Variants in SKA3 observed in about 807,000 individuals in gnomAD.
SKA3 encodes the protein spindle and kinetochore associated complex subunit 3, also known as spindle and kinetochore-associated protein 3.
SKA3 carries 39 observed loss-of-function variants against 44.2 expected under a neutral mutation model. The ratio of observed to expected loss-of-function variants is 0.88; its 90% CI spans 0.68 to 1.15. The LOEUF (loss-of-function observed/expected upper bound fraction) is 1.15. Among genes scored for constraint, SKA3 ranks in the 50% most tolerant of loss-of-function variants. SKA3 has a pLI of 0.00. For synonymous variants in SKA3, 192 were observed against 172.0 expected (o/e 1.12, Z -0.91); for missense variants, 511 against 485.8 (o/e 1.05, Z -0.49).
At chr13:21,167,480 T>C (rs983497473) in intron 4 of SKA3, among the ~76,000 whole-genome samples, 1 of 152,040 alleles carries the variant, frequency 6.6e-6, no homozygotes, top group African/African-American at 2.4e-5. Context: ...ACTAAAGAAC[T>C]TATTGGCCGG....
At chr13:21,172,266 T>G in intron 3 of SKA3, 73 bp downstream of exon 3, 1 of 1,004,044 alleles carries the variant, frequency 1.0e-6, no homozygotes, top group African/African-American at 1.7e-5. Context: ...TAGCCAAGGC[T>G]ACAGTTGTCT....
chr13:21,173,615 T>C (rs1595307642), intron 1 of SKA3, among the ~76,000 whole-genome samples: 1 of 27,442 alleles, frequency 3.6e-5, no homozygotes, highest in African/African-American at 5.7e-5. Context: ...CTTGATTTAA[T>C]GGACTCAAAC....
At position 21,176,492 on chromosome 13, in the gene SKA3, G is replaced by A; in HGVS notation, c.-15C>T. On this transcript the variant is annotated 5_prime_UTR_variant, in exon 1 of 9. Coordinates refer to ENST00000314759, the MANE Select transcript of SKA3 (RefSeq NM_145061.6). Reference sequence around the variant, plus strand: ...ATAGGGTCCATGCTGAGCACAGCGGGGAAGGACTCCAGGCGTACGCAGACC... The same window carrying A: ...ATAGGGTCCATGCTGAGCACAGCGGAGAAGGACTCCAGGCGTACGCAGACC... 1 of 1,505,872 alleles carries A rather than the reference G, an allele frequency of 6.6e-7. No homozygotes were observed. Among genetic ancestry groups the A allele is most frequent in the Non-Finnish European group, 8.9e-7 (1 of 1,122,520 alleles). The allele number at this position is 1,505,872 out of a possible 1,614,324, so 93.3% of individuals were successfully genotyped here.
intron 1 of SKA3, among the ~76,000 whole-genome samples, chr13:21,173,680 G>A (rs909854666): frequency 9.2e-5 from 14 of 152,096 alleles, no homozygotes; most frequent in Admixed American, 5.2e-4. Flanking sequence ...ATTCTTCCAC[G>A]TTCGTAATCT....
intron 1 of SKA3, among the ~76,000 whole-genome samples, chr13:21,175,174 C>T (rs1871392182): frequency 6.6e-6 from 1 of 151,416 alleles, no homozygotes; most frequent in Non-Finnish European, 1.5e-5. Flanking sequence ...GACGAGGTTT[C>T]ACCACGTTGG....
Position 21,155,710 on chromosome 13 carries a change from G to T in SKA3, c.1221C>A (p.Val407=). The T allele has an allele frequency of 6.2e-7, 1 of 1,600,438 alleles. No individual in the cohort carries two copies. The highest frequency in any genetic ancestry group is 1.1e-5 in the South Asian group (1 of 90,828). The change falls in exon 8 of 9, where the codon GTC becomes GTA. Residue 407 remains valine (V), a synonymous_variant. Transcript: ENST00000314759. ...ATACTCACCAGTTTTCTTTGTTGCT[G>T]ACATCTCGGATGTTCTGTCCATGTT... The part of the protein sequence containing the change: ...FLKHGQNIRD[V]SNKEN
In SKA3 at chr13:21,158,011, G is replaced by A. The variant is rs200780567; in HGVS notation, c.1030C>T (p.Pro344Ser). Residue 344 changes from proline to serine, a missense_variant, in exon 7 of 9, where the codon CCC becomes TCC. Pro to Ser is a moderately conservative substitution (Grantham distance 74). Coordinates refer to ENST00000314759, the MANE Select transcript of SKA3 (RefSeq NM_145061.6). ...SDTCFENLTD[P>S]SSPTISSYEN... ...TAAGAAGAAATCGTAGGTGAAGAGG[G>A]ATCTGTTAAATTCTCAAAGCATGTG... 11 of 1,613,188 alleles carry A rather than the reference G, an allele frequency of 6.8e-6. 1 individual carries two copies. Among genetic ancestry groups the A allele is most frequent in the Non-Finnish European group, 9.3e-6 (11 of 1,179,384 alleles).
At position 21,172,656 on chromosome 13, in the gene SKA3, A is replaced by T. The variant is rs747793080; in HGVS notation, c.129T>A (p.Ile43=). 3.2e-6 allele frequency: 5 copies of T among 1,582,168 alleles called. No homozygotes were observed. In the East Asian group the frequency reaches 1.1e-4, roughly 35 times the overall value. The part of the protein sequence containing the change: ...ESDFEDYPMR[I]LYDLHSEVQT... ...GAACTTCTGAATGAAGGTCATATAAAATTCTCATTGGATAATCTTCAAAGT... is the reference window on the plus strand; with the variant it reads ...GAACTTCTGAATGAAGGTCATATAATATTCTCATTGGATAATCTTCAAAGT... The change falls in exon 2 of 9, where the codon ATT becomes ATA. Residue 43 remains isoleucine (I), a synonymous_variant. Transcript: ENST00000314759.
At chr13:21,169,054 G>A (rs1027254177) in intron 3 of SKA3, among the ~76,000 whole-genome samples, 11 of 147,726 alleles carry the variant, frequency 7.4e-5, no homozygotes, top group African/African-American at 2.5e-4. Flanking sequence ...TCAGACTTCA[G>A]TGAGCATCAG....
At chr13:21,173,310 G>C (rs112353769) in intron 1 of SKA3, among the ~76,000 whole-genome samples, 178 of 152,296 alleles carry the variant, frequency 1.2e-3, no homozygotes, top group African/African-American at 4.1e-3. Context: ...AGGCTGGAGT[G>C]CAATGGTGCG....
chr13:21,166,909 T>C (rs1870741936), intron 4 of SKA3, among the ~76,000 whole-genome samples: 1 of 152,234 alleles, frequency 6.6e-6, no homozygotes, highest in Admixed American at 6.5e-5. Context: ...TGTGGGGTTT[T>C]TTTCTTTGAC....
At chr13:21,159,290 T>C (rs1010405744) in intron 6 of SKA3, among the ~76,000 whole-genome samples, 1 of 152,176 alleles carries the variant, frequency 6.6e-6, no homozygotes, top group African/African-American at 2.4e-5. Context: ...TAAAGAGGGA[T>C]AAGGTTTTGA....
At position 21,155,754 on chromosome 13, in the gene SKA3, G is replaced by A. The variant is rs201176517; in HGVS notation, c.1177C>T (p.Pro393Ser). 2.0e-4 allele frequency: 330 copies of A among 1,612,288 alleles called. No individual in the cohort carries two copies. The highest frequency in any genetic ancestry group is 2.6e-4 in the Non-Finnish European group (307 of 1,178,996). The change falls in exon 8 of 9, where the codon CCC becomes TCC. Residue 393 changes from proline to serine, a missense_variant. Pro to Ser is a moderately conservative substitution (Grantham distance 74). Transcript: ENST00000314759. ...ATPIAIKAVP[P>S]SKRFLKHGQN... Reference sequence around the variant, plus strand: ...CCATGTTTAAGGAACCTTTTACTGGGTGGCACTGCTTTAATTGCTATTGGA... The same window carrying A: ...CCATGTTTAAGGAACCTTTTACTGGATGGCACTGCTTTAATTGCTATTGGA...
At chr13:21,174,081 A>G (rs2137385518) in intron 1 of SKA3, among the ~76,000 whole-genome samples, 1 of 152,352 alleles carries the variant, frequency 6.6e-6, no homozygotes, top group South Asian at 2.1e-4. Context: ...TTAAAAAGTC[A>G]GGAAAAAACA....
Position 21,154,779 on chromosome 13 carries a change from T to C in SKA3, c.*371A>G, listed in dbSNP as rs1870009416. ...GGAAGGCAGAGCTGGCTGGCAGCAA[T>C]GTCTCTCTGGCCAGAAGGTCAGGGG... On this transcript the variant is annotated 3_prime_UTR_variant, in exon 9 of 9. Coordinates refer to ENST00000314759, the MANE Select transcript of SKA3 (RefSeq NM_145061.6). 2 of 326,320 alleles carry C rather than the reference T, an allele frequency of 6.1e-6. No individual in the cohort carries two copies. Among genetic ancestry groups the C allele is most frequent in the Non-Finnish European group, 5.8e-6 (1 of 171,652 alleles). The allele number at this position is 326,320 out of a possible 1,614,324, so 20.2% of individuals were successfully genotyped here. A position where few individuals can be genotyped will look rare whatever the true frequency, so the allele number is the denominator to read the frequency against.
Position 21,161,814 on chromosome 13 carries a change from T to C in SKA3, c.805A>G (p.Ile269Val), listed in dbSNP as rs747813209. The C allele has an allele frequency of 2.5e-6, 4 of 1,611,696 alleles. No individual in the cohort carries two copies. Among genetic ancestry groups the C allele is most frequent in the South Asian group, 2.2e-5 (2 of 90,694 alleles). Residue 269 changes from isoleucine (I) to valine (V), a missense_variant, in exon 5 of 9, where the codon ATC (isoleucine) becomes GTC (valine). Coordinates refer to ENST00000314759, the MANE Select transcript of SKA3 (RefSeq NM_145061.6). ...NDNVFATPSP[I>V]IQQLEKSDAE... ...CCACTTTTTTCCAACTGCTGGATGA[T>C]GGGGCTGGGAGTGGCAAAAACATTA...
chr13:21,160,212 T>G (rs938265118), intron 5 of SKA3, among the ~76,000 whole-genome samples: 1 of 152,184 alleles, frequency 6.6e-6, no homozygotes, highest in Non-Finnish European at 1.5e-5. Flanking sequence ...CTTTTCACAG[T>G]AGCAAGAAAG....
intron 7 of SKA3, among the ~76,000 whole-genome samples, chr13:21,156,019 T>G (rs935430650): frequency 2.8e-4 from 42 of 151,948 alleles, no homozygotes; most frequent in African/African-American, 9.7e-4. Context: ...AAACCTCGTC[T>G]CTACTAAACA....
rs1734957641 is a variant in SKA3, at chr13:21,172,652, A to G, written c.133T>C (p.Tyr45His). ...GTCTGAACTTCTGAATGAAGGTCAT[A>G]TAAAATTCTCATTGGATAATCTTCA... ...DFEDYPMRIL[Y>H]DLHSEVQTLK... The change falls in exon 2 of 9, where the codon TAT becomes CAT. Residue 45 changes from tyrosine (Y) to histidine (H), a missense_variant. Coordinates refer to ENST00000314759, the MANE Select transcript of SKA3 (RefSeq NM_145061.6). 2 of 1,583,432 alleles carry G rather than the reference A, an allele frequency of 1.3e-6. No homozygotes were observed. Among genetic ancestry groups the G allele is most frequent in the Non-Finnish European group, 1.7e-6 (2 of 1,161,454 alleles).
Sources: allele counts gnomAD v4.1 joint callset (sites outside exome capture counted in the v4.1 genomes callset), GRCh38; gene constraint gnomAD v4.1.1; transcripts MANE v1.5; gene names NCBI Gene and HGNC (gene_info 2026-07-23, HGNC 2026-07-21).